DIP2B: variants seen among roughly 807,000 people sequenced by gnomAD.
DIP2B encodes the protein disco-interacting protein 2 homolog B.
Under a neutral mutation model 198.0 loss-of-function variants are expected in DIP2B, and 76 were observed. That is an observed-to-expected ratio of 0.38 (90% confidence interval 0.32 to 0.46). The LOEUF (loss-of-function observed/expected upper bound fraction) is 0.46, where lower values mean the gene tolerates loss of function less well. DIP2B is among the 20% of genes least tolerant of loss of function. The pLI, the probability that DIP2B is intolerant of heterozygous loss-of-function variation, is 0.99. For synonymous variants in DIP2B, 701 were observed against 739.1 expected, an observed-to-expected ratio of 0.95 and a Z score of 0.84; for missense variants, 1,559 against 1,978.4, an observed-to-expected ratio of 0.79 and a Z score of 4.02.
At chr12:50,601,465 C>T (rs142664061) in intron 1 of DIP2B, among the ~76,000 whole-genome samples, 9,739 of 151,902 alleles carry the variant, frequency 0.064, 733 homozygotes, top group East Asian at 0.36. Context: ...CTGCCTCAGC[C>T]TCCTGAGTAG....
intron 5 of DIP2B, among the ~76,000 whole-genome samples, chr12:50,674,232 A>G (rs1938905459): frequency 6.6e-6 from 1 of 152,126 alleles, no homozygotes; most frequent in Non-Finnish European, 1.5e-5. Context: ...GTGAGATTTG[A>G]TCTTACTAAG....
chr12:50,727,612 C>T (rs1939960098), intron 28 of DIP2B, 91 bp from the exon 29 acceptor site: 1 of 1,132,750 alleles, frequency 8.8e-7, no homozygotes, highest in Non-Finnish European at 1.3e-6. Context: ...ATCTGCGAAG[C>T]TAAATTTGGC....
intron 12 of DIP2B, 101 bp from the exon 13 acceptor site, chr12:50,690,948 C>T: frequency 1.1e-6 from 1 of 910,432 alleles, no homozygotes; most frequent in Non-Finnish European, 1.7e-6. Context: ...AAATTCAGCC[C>T]ATTATGATGG....
intron 1 of DIP2B, among the ~76,000 whole-genome samples, chr12:50,518,299 G>T (rs1286327311): frequency 6.7e-6 from 1 of 149,720 alleles, no homozygotes; most frequent in South Asian, 2.1e-4. Context: ...ACCTCAGCTC[G>T]CTGCAAGCTC....
chr12:50,697,249 T>A (rs931765448), intron 17 of DIP2B, 74 bp downstream of exon 17: 1 of 1,310,970 alleles, frequency 7.6e-7, no homozygotes, highest in African/African-American at 1.5e-5. Flanking sequence ...TACCAGGTGA[T>A]GACCAACGGA....
At chr12:50,680,143 C>T (rs1414695819) in intron 8 of DIP2B, 2 of 151,344 alleles carry the variant, frequency 1.3e-5, no homozygotes, top group Non-Finnish European at 2.9e-5. Context: ...CCTGTAGTCC[C>T]AGCTACTTGA....
chr12:50,681,341 C>T (rs546539984), intron 9 of DIP2B, among the ~76,000 whole-genome samples: 8 of 151,680 alleles, frequency 5.3e-5, no homozygotes, highest in East Asian at 1.9e-4. Flanking sequence ...GAGGTTAAGG[C>T]GGGAGGATTG....
In DIP2B at chr12:50,675,431, C is replaced by G. The variant is rs1938929558; in HGVS notation, c.899C>G (p.Ser300Cys). The change falls in exon 7 of 38, where the codon TCT becomes TGT. Residue 300 changes from serine (S) to cysteine (C), a missense_variant. By Grantham distance (112) the Ser-to-Cys change is moderately radical (BLOSUM62 -1). Transcript: ENST00000301180. The stretch of plus-strand genomic sequence containing the variant: ...TTAAAGGAATTTTTTGTGGATGACT[C>G]TGAAGAAATTGTGGAAGGTAGTAGT... ...PPLKEFFVDD[S>C]EEIVEVPQPD... The G allele has an allele frequency of 2.5e-6, 4 of 1,613,544 alleles. No individual in the cohort carries two copies. In the Admixed American group the frequency reaches 6.7e-5, roughly 27 times the overall value.
At chr12:50,718,057 G>A (rs1416930632) in intron 23 of DIP2B, among the ~76,000 whole-genome samples, 3 of 151,494 alleles carry the variant, frequency 2.0e-5, no homozygotes, top group Non-Finnish European at 4.4e-5. Flanking sequence ...GTACCACCAC[G>A]CCCAGCTCAT....
rs1342610536 is a variant in DIP2B at position 50,747,703 on chromosome 12, A to G, written c.*2864A>G. 2 of 152,230 alleles carry G rather than the reference A, an allele frequency of 1.3e-5. No homozygotes were observed. The highest frequency in any genetic ancestry group is 2.9e-5 in the Non-Finnish European group (2 of 68,042). 9.4% of individuals were successfully genotyped at this position (152,230 alleles called of 1,614,324 possible). A position where few individuals can be genotyped will look rare whatever the true frequency, so the allele number is the denominator to read the frequency against. The stretch of plus-strand genomic sequence containing the variant: ...CACAGCCTTTCCAATCCTCTGGAAC[A>G]TATTCTGTCTGGGTTTTTAATGTCT... On this transcript the variant is annotated 3_prime_UTR_variant, in exon 38 of 38. Coordinates refer to ENST00000301180, the MANE Select transcript of DIP2B (RefSeq NM_173602.3).
intron 2 of DIP2B, among the ~76,000 whole-genome samples, chr12:50,627,732 G>T (rs1178244899): frequency 6.6e-6 from 1 of 152,238 alleles, no homozygotes; most frequent in African/African-American, 2.4e-5. Flanking sequence ...TGAATCAGTT[G>T]TTTAATTGCA....
chr12:50,678,979 CAGT>C, intron 8 of DIP2B, 103 bp downstream of exon 8: 1 of 1,292,706 alleles, frequency 7.7e-7, no homozygotes, highest in Non-Finnish European at 1.1e-6. Flanking sequence ...CATTATGTTT[CAGT>C]AGATTTTTTC....
intron 1 of DIP2B, among the ~76,000 whole-genome samples, chr12:50,509,266 G>A (rs148899965): frequency 1.5e-4 from 23 of 152,308 alleles, no homozygotes; most frequent in African/African-American, 5.3e-4. Flanking sequence ...GTGAGAGATA[G>A]AAGAGAATTA....
chr12:50,689,186 T>G (rs1939181218), intron 12 of DIP2B, among the ~76,000 whole-genome samples: 1 of 152,072 alleles, frequency 6.6e-6, no homozygotes, highest in African/African-American at 2.4e-5. Flanking sequence ...TCATTTGAGC[T>G]CAGGAGTTCG....
intron 4 of DIP2B, among the ~76,000 whole-genome samples, chr12:50,667,335 C>G (rs1465006543): frequency 6.6e-6 from 1 of 152,062 alleles, no homozygotes; most frequent in Non-Finnish European, 1.5e-5. Flanking sequence ...TATATAAGAG[C>G]TTAGGGAAGA....
chr12:50,641,254 G>A (rs1323965959), intron 3 of DIP2B, among the ~76,000 whole-genome samples: 4 of 152,186 alleles, frequency 2.6e-5, no homozygotes, highest in African/African-American at 9.7e-5. Flanking sequence ...CTACTCAGGA[G>A]GCTGAGACAG....
chr12:50,583,375 T>G (rs1164580779), intron 1 of DIP2B, among the ~76,000 whole-genome samples: 1 of 152,128 alleles, frequency 6.6e-6, no homozygotes, highest in Non-Finnish European at 1.5e-5. Flanking sequence ...AGTACTTGTT[T>G]CATCTGAACC....
In DIP2B at chr12:50,746,343, C is replaced by T. The variant is rs1275093392; in HGVS notation, c.*1504C>T. On this transcript the variant is annotated 3_prime_UTR_variant, in exon 38 of 38. Transcript: ENST00000301180. ...TCTATTGTGTAAATATTTATTTAGA[C>T]TATTTTAATAATACATATTATTTAC... 1.3e-5 allele frequency: 2 copies of T among 152,100 alleles called. No individual in the cohort carries two copies. The highest frequency in any genetic ancestry group is 2.9e-5 in the Non-Finnish European group (2 of 68,006). 9.4% of individuals were successfully genotyped at this position (152,100 alleles called of 1,614,324 possible). A position where few individuals can be genotyped will look rare whatever the true frequency, so the allele number is the denominator to read the frequency against.
intron 1 of DIP2B, among the ~76,000 whole-genome samples, chr12:50,525,529 T>C (rs1414492476): frequency 6.6e-6 from 1 of 151,088 alleles, no homozygotes; most frequent in East Asian, 2.0e-4. Context: ...TTTTTTTTTT[T>C]TGAGACAGAG....
Sources: gnomAD v4.1 joint callset for allele counts (sites outside exome capture counted in the v4.1 genomes callset) on GRCh38, gnomAD v4.1.1 for gene constraint, MANE v1.5 for transcripts, NCBI Gene and HGNC (gene_info 2026-07-23, HGNC 2026-07-21) for gene names.